Variants in ERC2 observed in about 807,000 individuals in gnomAD.
ERC2 encodes the protein ELKS/RAB6-interacting/CAST family member 2.
ERC2 carries 42 observed loss-of-function variants against 114.8 expected under a neutral mutation model. The observed-to-expected ratio is 0.37, with a 90% CI of 0.29 to 0.47. The LOEUF (loss-of-function observed/expected upper bound fraction) is 0.47, where lower values mean the gene tolerates loss of function less well. ERC2 is among the 20% of genes least tolerant of loss of function. The pLI is 0.99. For synonymous variants in ERC2, 454 were observed against 425.5 expected (o/e 1.07, Z -0.82); for missense variants, 939 against 1,150.7 (o/e 0.82, Z 2.66).
chr3:55,750,101 C>T (rs1053588698), intron 14 of ERC2, among the ~76,000 whole-genome samples: 10 of 152,008 alleles, frequency 6.6e-5, no homozygotes, highest in African/African-American at 2.4e-4. Context: ...GAATACGATG[C>T]TACGTGTTAT....
At chr3:56,203,513 A>T (rs1360578739) in intron 3 of ERC2, among the ~76,000 whole-genome samples, 1 of 152,242 alleles carries the variant, frequency 6.6e-6, no homozygotes, top group East Asian at 1.9e-4. Flanking sequence ...TAAAATCTGC[A>T]TCAAACGTTT....
At chr3:56,079,676 C>A (rs1369963965) in intron 7 of ERC2, among the ~76,000 whole-genome samples, 1 of 152,086 alleles carries the variant, frequency 6.6e-6, no homozygotes, top group Non-Finnish European at 1.5e-5. Context: ...CGGTTACCAT[C>A]CTGAAATTCT....
chr3:55,935,093 C>A (rs1331998238), intron 13 of ERC2, among the ~76,000 whole-genome samples: 1 of 152,136 alleles, frequency 6.6e-6, no homozygotes, highest in African/African-American at 2.4e-5. Flanking sequence ...AGGCACAGTA[C>A]CCTGCCAGAA....
intron 13 of ERC2, among the ~76,000 whole-genome samples, chr3:55,901,345 A>G (rs187665284): frequency 7.4e-4 from 112 of 152,234 alleles, no homozygotes; most frequent in Middle Eastern, 3.4e-3. Context: ...CTCCACTTAG[A>G]GTCTCATAAG....
intron 14 of ERC2, among the ~76,000 whole-genome samples, chr3:55,805,992 T>C (rs139124501): frequency 2.6e-5 from 4 of 152,244 alleles, no homozygotes; most frequent in African/African-American, 9.6e-5. Flanking sequence ...ACAAAAATGA[T>C]AGAGCATACA....
intron 6 of ERC2, among the ~76,000 whole-genome samples, chr3:56,106,108 AT>A (rs1235438631): frequency 6.6e-6 from 1 of 152,200 alleles, no homozygotes. Context: ...CTGTATACTA[AT>A]GTTCACTATA....
intron 4 of ERC2, among the ~76,000 whole-genome samples, chr3:56,163,751 T>C (rs549822252): frequency 1.1e-4 from 16 of 152,252 alleles, no homozygotes; most frequent in African/African-American, 3.4e-4. Flanking sequence ...TTGGAGCCTA[T>C]GTGTGTTGTT....
chr3:56,279,962 A>G (rs893941568), intron 3 of ERC2, among the ~76,000 whole-genome samples: 4 of 152,228 alleles, frequency 2.6e-5, no homozygotes, highest in African/African-American at 9.6e-5. Flanking sequence ...GTTACTTTAC[A>G]TGGCAGAAGG....
At chr3:56,080,624 A>C (rs2077184805) in intron 7 of ERC2, among the ~76,000 whole-genome samples, 193 bp downstream of exon 7, 1 of 152,218 alleles carries the variant, frequency 6.6e-6, no homozygotes, top group Admixed American at 6.5e-5. Context: ...CTAGGTAATC[A>C]AATAGAAAAT....
At chr3:56,221,686 C>T (rs948844887) in intron 3 of ERC2, among the ~76,000 whole-genome samples, 12 of 152,112 alleles carry the variant, frequency 7.9e-5, no homozygotes, top group Non-Finnish European at 1.3e-4. Flanking sequence ...GGGTGGATCA[C>T]GAGGTCAGGA....
intron 14 of ERC2, among the ~76,000 whole-genome samples, chr3:55,798,253 A>T (rs1489224279): frequency 6.6e-6 from 1 of 152,222 alleles, no homozygotes; most frequent in African/African-American, 2.4e-5. Flanking sequence ...ATACCAATAC[A>T]TTGCAGTAAG....
In ERC2 at chr3:56,158,596, G is replaced by A. The variant is rs114010293; in HGVS notation, c.1150-9464C>T. On this transcript the variant is annotated intron_variant, in intron 4 of 17. Coordinates refer to ENST00000288221, the MANE Select transcript of ERC2 (RefSeq NM_015576.3). ...CTCATTTTAATCCCCACCACAACCCGTACAGGCTAGTATCATGGACCCATT... is the reference window on the plus strand; with the variant it reads ...CTCATTTTAATCCCCACCACAACCCATACAGGCTAGTATCATGGACCCATT... Among the ~76,000 whole-genome samples, 1,384 of 152,032 alleles carry A rather than the reference G, an allele frequency of 9.1e-3. 26 individuals carry two copies. Among genetic ancestry groups the A allele is most frequent in the African/African-American group, 0.03 (1,261 of 41,448 alleles).
rs2051974650 is a variant in ERC2, at chr3:55,510,030, T to C, written c.*1286A>G. The C allele has an allele frequency of 6.6e-6, 1 of 152,640 alleles. No individual in the cohort carries two copies. Among genetic ancestry groups the C allele is most frequent in the African/African-American group, 2.4e-5 (1 of 41,454 alleles). The allele number at this position is 152,640 out of a possible 1,614,324, so 9.5% of individuals were successfully genotyped here. On this transcript the variant is annotated 3_prime_UTR_variant, in exon 18 of 18. Coordinates refer to ENST00000288221, the MANE Select transcript of ERC2 (RefSeq NM_015576.3). ...TATAACAATTTAAATTGTTTCTTAA[T>C]ATTCAGAGGAAGCAGTAGGAGTTTA...
intron 8 of ERC2, among the ~76,000 whole-genome samples, chr3:56,014,560 C>T (rs1414410130): frequency 2.0e-5 from 3 of 152,052 alleles, no homozygotes; most frequent in Non-Finnish European, 4.4e-5. Flanking sequence ...GGCCAGACTC[C>T]CACAGACCTC....
At chr3:56,030,000 T>C (rs187609370) in intron 7 of ERC2, among the ~76,000 whole-genome samples, 1 of 152,258 alleles carries the variant, frequency 6.6e-6, no homozygotes, top group East Asian at 1.9e-4. Flanking sequence ...CCCACACATT[T>C]TGATATTTTG....
intron 13 of ERC2, among the ~76,000 whole-genome samples, chr3:55,902,174 A>C (rs895753551): frequency 2.0e-5 from 3 of 152,214 alleles, no homozygotes; most frequent in African/African-American, 7.2e-5. Flanking sequence ...TATATCCTCC[A>C]GACTGCTGGC....
At chr3:56,172,418 G>A (rs1214246794) in intron 4 of ERC2, among the ~76,000 whole-genome samples, 1 of 152,136 alleles carries the variant, frequency 6.6e-6, no homozygotes, top group Non-Finnish European at 1.5e-5. Context: ...GATTGCACAT[G>A]CCAAGAATTC....
intron 15 of ERC2, among the ~76,000 whole-genome samples, chr3:55,719,963 CT>C (rs2064356750): frequency 6.7e-6 from 1 of 148,490 alleles, no homozygotes. Flanking sequence ...CCTTTCTTTC[CT>C]TCTCTCCCTC....
At chr3:56,427,580 C>A (rs554824220) in intron 2 of ERC2, among the ~76,000 whole-genome samples, 1 of 152,166 alleles carries the variant, frequency 6.6e-6, no homozygotes, top group Non-Finnish European at 1.5e-5. Flanking sequence ...TTACAGAGAT[C>A]ATAAATGAAG....
Sources: allele counts gnomAD v4.1 joint callset (sites outside exome capture counted in the v4.1 genomes callset), GRCh38; gene constraint gnomAD v4.1.1; transcripts MANE v1.5; gene names NCBI Gene and HGNC (gene_info 2026-07-23, HGNC 2026-07-21).